The following CNTNAP5 variants were observed in gnomAD, a reference collection of about 807,000 sequenced individuals.
CNTNAP5 encodes contactin associated protein family member 5.
In CNTNAP5, 72 loss-of-function variants were observed where a neutral mutation model predicts 150.2. The observed-to-expected ratio is 0.48, with a 90% CI of 0.40 to 0.58. CNTNAP5 has a LOEUF of 0.58. CNTNAP5 is among the 20% of genes least tolerant of loss of function. The pLI is 0.00. For missense variants in CNTNAP5, 1,636 were observed against 1,626.2 expected (o/e 1.01, Z -0.10); for synonymous variants, 672 against 619.8 (o/e 1.08, Z -1.25).
intron 3 of CNTNAP5, among the ~76,000 whole-genome samples, chr2:124,363,683 A>G (rs1249007036): frequency 6.6e-6 from 1 of 152,150 alleles, no homozygotes; most frequent in Non-Finnish European, 1.5e-5. Flanking sequence ...TGTTAAAAGG[A>G]TAGATCTCAT....
At chr2:124,055,929 C>T (rs1263395502) in intron 1 of CNTNAP5, among the ~76,000 whole-genome samples, 2 of 152,160 alleles carry the variant, frequency 1.3e-5, no homozygotes, top group Non-Finnish European at 2.9e-5. Context: ...TGTCCACTGC[C>T]ATGGCTCTGA....
intron 6 of CNTNAP5, among the ~76,000 whole-genome samples, chr2:124,454,773 T>C (rs1214465486): frequency 6.6e-6 from 1 of 151,996 alleles, no homozygotes. Flanking sequence ...GGAAATTAAA[T>C]AACCCACTCC....
chr2:124,640,573 C>T (rs1309754494), intron 12 of CNTNAP5, among the ~76,000 whole-genome samples: 5 of 152,130 alleles, frequency 3.3e-5, no homozygotes, highest in Admixed American at 1.3e-4. Context: ...GACAGCTGGG[C>T]TGGTACACAT....
intron 21 of CNTNAP5, among the ~76,000 whole-genome samples, chr2:124,873,787 T>A (rs1677798890): frequency 1.3e-5 from 2 of 152,100 alleles, no homozygotes; most frequent in South Asian, 4.1e-4. Flanking sequence ...CATTTCCAAC[T>A]GTAAATCAAA....
intron 3 of CNTNAP5, among the ~76,000 whole-genome samples, chr2:124,373,567 G>A (rs1392784873): frequency 2.0e-5 from 3 of 151,914 alleles, no homozygotes; most frequent in East Asian, 3.9e-4. Flanking sequence ...TGTAACAATA[G>A]AGAAATTCAA....
chr2:124,820,082 C>T (rs1300135708), intron 19 of CNTNAP5, among the ~76,000 whole-genome samples: 2 of 152,180 alleles, frequency 1.3e-5, no homozygotes, highest in African/African-American at 4.8e-5. Flanking sequence ...ACAAATAGAA[C>T]TTCCATGAGT....
intron 18 of CNTNAP5, among the ~76,000 whole-genome samples, chr2:124,791,259 C>A (rs73955822): frequency 0.033 from 4,976 of 152,226 alleles, 266 homozygotes; most frequent in African/African-American, 0.11. Flanking sequence ...CATACAGGGG[C>A]CTTCTCCTGA....
At chr2:124,701,313 C>T (rs1428704112) in intron 13 of CNTNAP5, among the ~76,000 whole-genome samples, 4 of 152,224 alleles carry the variant, frequency 2.6e-5, no homozygotes, top group Admixed American at 1.3e-4. Context: ...CACTTACCCT[C>T]GTGTCCTCCA....
In CNTNAP5 at chr2:124,918,300, C is replaced by A. The variant is rs1007372237; in HGVS notation, c.*4012C>A. Among the ~76,000 whole-genome samples, 1 of 152,026 alleles carries A rather than the reference C, an allele frequency of 6.6e-6. No homozygotes were observed. Among genetic ancestry groups the A allele is most frequent in the African/African-American group, 2.4e-5 (1 of 41,428 alleles). ...GTTGTCATCCAGCTCTTCCTAAAAC[C>A]CTCCTTAGTCCTGATGAGCCATTTT... On this transcript the variant is annotated 3_prime_UTR_variant, in exon 24 of 24. Transcript: ENST00000682447.
intron 4 of CNTNAP5, among the ~76,000 whole-genome samples, chr2:124,430,308 G>T (rs897874546): frequency 1.6e-4 from 24 of 152,214 alleles, no homozygotes; most frequent in African/African-American, 5.3e-4. Flanking sequence ...TCTTTGTGCC[G>T]TGTTTGTCTT....
At chr2:124,623,605 G>A (rs2104999869) in intron 12 of CNTNAP5, among the ~76,000 whole-genome samples, 1 of 152,294 alleles carries the variant, frequency 6.6e-6, no homozygotes, top group African/African-American at 2.4e-5. Context: ...TCAATTGAAT[G>A]AGTTAACATG....
intron 7 of CNTNAP5, among the ~76,000 whole-genome samples, chr2:124,488,125 C>T (rs919030031): frequency 3.9e-5 from 6 of 151,928 alleles, no homozygotes; most frequent in South Asian, 4.2e-4. Context: ...GTGTAAACAC[C>T]GAAAATCAGA....
chr2:124,884,878 A>G (rs2104741846), intron 21 of CNTNAP5, among the ~76,000 whole-genome samples: 1 of 152,100 alleles, frequency 6.6e-6, no homozygotes, highest in South Asian at 2.1e-4. Context: ...TATAAAGGGT[A>G]CTTTTTCGAA....
chr2:124,210,090 T>C (rs1161761963), intron 1 of CNTNAP5, among the ~76,000 whole-genome samples: 1 of 152,188 alleles, frequency 6.6e-6, no homozygotes, highest in Non-Finnish European at 1.5e-5. Context: ...CATGGGAGAC[T>C]AGTGAACTCA....
At chr2:124,633,375 G>A (rs778947370) in intron 12 of CNTNAP5, among the ~76,000 whole-genome samples, 3 of 152,182 alleles carry the variant, frequency 2.0e-5, no homozygotes, top group Non-Finnish European at 4.4e-5. Flanking sequence ...AAGAAAGGGG[G>A]TACAGGCACC....
At chr2:124,128,131 G>A (rs1348102003) in intron 1 of CNTNAP5, among the ~76,000 whole-genome samples, 1 of 152,096 alleles carries the variant, frequency 6.6e-6, no homozygotes, top group African/African-American at 2.4e-5. Context: ...GCAACCTACA[G>A]AATGGGAGAA....
chr2:124,907,844 G>T (rs1466610666), intron 22 of CNTNAP5, among the ~76,000 whole-genome samples: 1 of 150,100 alleles, frequency 6.7e-6, no homozygotes, highest in Non-Finnish European at 1.5e-5. Context: ...TGTTACTGAA[G>T]CTGTCATCAT....
At chr2:124,565,613 T>C (rs1696004509) in intron 11 of CNTNAP5, among the ~76,000 whole-genome samples, 1 of 47,844 alleles carries the variant, frequency 2.1e-5, no homozygotes, top group Admixed American at 2.9e-4. Context: ...TTTTTTTTTT[T>C]TTTTGAGATG....
In CNTNAP5 at chr2:124,163,318, T is replaced by C. The variant is rs576134635; in HGVS notation, c.83-58387T>C. 1.6e-4 allele frequency among the ~76,000 whole-genome samples: 25 copies of C among 152,276 alleles called. No individual in the cohort carries two copies. The South Asian group carries it at 5.2e-3, about 32-fold the overall frequency. On this transcript the variant is annotated intron_variant, in intron 1 of 23. Transcript: ENST00000682447. ...GAAGGTGACATGCTGCCTCCAGCCC[T>C]GGAGAATAGGGCTATAGAAATACCT...
Sources: allele counts gnomAD v4.1 joint callset (sites outside exome capture counted in the v4.1 genomes callset), GRCh38; gene constraint gnomAD v4.1.1; transcripts MANE v1.5; gene names NCBI Gene and HGNC (gene_info 2026-07-23, HGNC 2026-07-21).